Variants in RGS6 observed in about 807,000 individuals in gnomAD.
RGS6 encodes the protein regulator of G protein signaling 6.
RGS6 carries 30 observed loss-of-function variants against 78.5 expected under a neutral mutation model. The observed-to-expected ratio is 0.38, with a 90% CI of 0.29 to 0.52. RGS6 has a LOEUF of 0.52. Ranked by LOEUF, RGS6 falls within the 20% of genes least tolerant of loss-of-function variation. The pLI is 0.85. For synonymous variants in RGS6, 206 were observed against 206.0 expected, an observed-to-expected ratio of 1.00 and a Z score of 0.00; for missense variants, 495 against 609.7, an observed-to-expected ratio of 0.81 and a Z score of 1.98.
At chr14:72,034,444 GC>G (rs539522089) in intron 2 of RGS6, among the ~76,000 whole-genome samples, 56 of 150,440 alleles carry the variant, frequency 3.7e-4, no homozygotes, top group African/African-American at 1.3e-3. Context: ...GTGGTTTTTA[GC>G]CCCTTATTAA....
At chr14:71,994,043 G>T (rs1046611217) in intron 2 of RGS6, among the ~76,000 whole-genome samples, 2 of 151,614 alleles carry the variant, frequency 1.3e-5, no homozygotes, top group African/African-American at 4.9e-5. Flanking sequence ...CCAATTCAGG[G>T]TTCTGCAAAC....
chr14:72,517,835 G>A (rs2096972135), intron 14 of RGS6, among the ~76,000 whole-genome samples: 2 of 152,134 alleles, frequency 1.3e-5, no homozygotes, highest in South Asian at 4.2e-4. Context: ...TTTGACAAAG[G>A]GTCTCACACT....
the RGS6 span, among the ~76,000 whole-genome samples, chr14:72,577,221 G>C: frequency 6.6e-6 from 1 of 152,292 alleles, no homozygotes; most frequent in Admixed American, 6.5e-5. Flanking sequence ...CTCTTGCCCA[G>C]AATTCTCTAT....
intron 15 of RGS6, among the ~76,000 whole-genome samples, chr14:72,528,463 G>T (rs2097144350): frequency 6.6e-6 from 1 of 152,164 alleles, no homozygotes; most frequent in African/African-American, 2.4e-5. Context: ...TAAGACACTG[G>T]TGTGATTTAG....
chr14:72,181,244 T>A (rs1184156910), intron 2 of RGS6, among the ~76,000 whole-genome samples: 1 of 152,240 alleles, frequency 6.6e-6, no homozygotes, highest in African/African-American at 2.4e-5. Flanking sequence ...TTGACCTTCA[T>A]GACTCAGTAA....
In RGS6 at chr14:72,546,126, T is replaced by C. The variant is rs546192029; in HGVS notation, c.1422+6032T>C. On this transcript the variant is annotated intron_variant, in intron 17 of 17. Transcript: ENST00000553525. ...ACCCTGGGCCAGCTTGTTGCTGTCC[T>C]CTTTTAGCGATGGGAAATAAGAGTA... 3.3e-5 allele frequency among the ~76,000 whole-genome samples: 5 copies of C among 152,322 alleles called. No individual in the cohort carries two copies. In the East Asian group the frequency reaches 9.7e-4, roughly 29 times the overall value.
chr14:72,453,472 C>T (rs950190815), intron 3 of RGS6, among the ~76,000 whole-genome samples: 20 of 149,168 alleles, frequency 1.3e-4, no homozygotes, highest in Non-Finnish European at 2.4e-4. Context: ...AAAAATTAGC[C>T]GGGCGTAGTG....
intron 2 of RGS6, among the ~76,000 whole-genome samples, chr14:72,289,969 A>C (rs2063287322): frequency 6.6e-6 from 1 of 152,222 alleles, no homozygotes; most frequent in South Asian, 2.1e-4. Flanking sequence ...TGGATTAGAA[A>C]AAATTAAGCA....
intron 2 of RGS6, among the ~76,000 whole-genome samples, chr14:72,103,214 C>T (rs1280125873): frequency 6.6e-6 from 1 of 152,138 alleles, no homozygotes; most frequent in Admixed American, 6.5e-5. Flanking sequence ...CTCCCTTTCC[C>T]GTTAGGAATC....
intron 2 of RGS6, among the ~76,000 whole-genome samples, chr14:71,972,430 A>G (rs1374408871): frequency 6.6e-6 from 1 of 151,978 alleles, no homozygotes; most frequent in Non-Finnish European, 1.5e-5. Flanking sequence ...TGTCCTATGT[A>G]TATCATCTGT....
the RGS6 span, among the ~76,000 whole-genome samples, chr14:71,875,438 GT>G: frequency 2.0e-5 from 3 of 152,156 alleles, no homozygotes. Context: ...GCATAGAGGT[GT>G]TTATAGTATT....
At chr14:72,191,821 C>A (rs1178456875) in intron 2 of RGS6, among the ~76,000 whole-genome samples, 1 of 152,148 alleles carries the variant, frequency 6.6e-6, no homozygotes, top group African/African-American at 2.4e-5. Flanking sequence ...CCATCCCGGG[C>A]CTTTATATGG....
At chr14:72,137,772 T>C (rs1035913426) in intron 2 of RGS6, among the ~76,000 whole-genome samples, 24 of 152,340 alleles carry the variant, frequency 1.6e-4, no homozygotes, top group African/African-American at 5.5e-4. Context: ...ATGGATGACA[T>C]GCATGTGTTT....
intron 17 of RGS6, among the ~76,000 whole-genome samples, chr14:72,542,236 G>A (rs1476605039): frequency 6.6e-6 from 1 of 152,204 alleles, no homozygotes; most frequent in Non-Finnish European, 1.5e-5. Context: ...TGCTCTTGGG[G>A]TGACACCATA....
chr14:72,294,671 A>G (rs982353319), intron 2 of RGS6, among the ~76,000 whole-genome samples: 1 of 152,118 alleles, frequency 6.6e-6, no homozygotes, highest in Non-Finnish European at 1.5e-5. Context: ...TGAAGGTGAA[A>G]GGAGGAGCAG....
chr14:72,061,621 A>T (rs113766074), intron 2 of RGS6, among the ~76,000 whole-genome samples: 1 of 152,048 alleles, frequency 6.6e-6, no homozygotes, highest in Non-Finnish European at 1.5e-5. Context: ...CAAAACACCT[A>T]TGCAAGGAAT....
At chr14:72,140,088 G>A (rs1459264686) in intron 2 of RGS6, among the ~76,000 whole-genome samples, 1 of 152,146 alleles carries the variant, frequency 6.6e-6, no homozygotes, top group Non-Finnish European at 1.5e-5. Flanking sequence ...ATTGGCCCAT[G>A]TTCTCATTTA....
intron 2 of RGS6, among the ~76,000 whole-genome samples, chr14:72,285,880 G>A (rs1339533450): frequency 1.3e-5 from 2 of 152,042 alleles, no homozygotes; most frequent in African/African-American, 4.8e-5. Flanking sequence ...CCATTGAGTT[G>A]TAGTAGGAGT....
chr14:72,429,325 C>T (rs2153151921), intron 3 of RGS6, among the ~76,000 whole-genome samples: 1 of 152,332 alleles, frequency 6.6e-6, no homozygotes, highest in South Asian at 2.1e-4. Flanking sequence ...TTCTTAACTT[C>T]ATATGTGGCA....
Sources: gnomAD v4.1 joint callset for allele counts (sites outside exome capture counted in the v4.1 genomes callset) on GRCh38, gnomAD v4.1.1 for gene constraint, MANE v1.5 for transcripts, NCBI Gene and HGNC (gene_info 2026-07-23, HGNC 2026-07-21) for gene names.